CHKA: variants seen among roughly 807,000 people sequenced by gnomAD.
CHKA encodes the protein CHETK-alpha.
In CHKA, 34 loss-of-function variants were observed where a neutral mutation model predicts 60.1. That is an observed-to-expected ratio of 0.57 (90% CI 0.43 to 0.75). The LOEUF is 0.75. Among genes scored for constraint, CHKA ranks in the 30% least tolerant of loss-of-function variants. The pLI, the probability that CHKA is intolerant of heterozygous loss-of-function variation, is 0.00. For missense variants in CHKA, 563 were observed against 561.3 expected (o/e 1.00, Z -0.03); for synonymous variants, 217 against 223.1 (o/e 0.97, Z 0.24).
chr11:68,113,720 C>T (rs1413865210), intron 1 of CHKA, among the ~76,000 whole-genome samples: 1 of 150,594 alleles, frequency 6.6e-6, no homozygotes, highest in Non-Finnish European at 1.5e-5. Flanking sequence ...AACAGCCAGG[C>T]GCGATGGCTC....
At chr11:68,117,178 TTCTC>T (rs1394300087) in intron 1 of CHKA, among the ~76,000 whole-genome samples, 2 of 152,118 alleles carry the variant, frequency 1.3e-5, no homozygotes, top group Non-Finnish European at 2.9e-5. Flanking sequence ...GTATGTCTGG[TTCTC>T]TCTGAGTTAA....
At chr11:68,095,994 C>T (rs1243077684) in intron 2 of CHKA, among the ~76,000 whole-genome samples, 5 of 150,186 alleles carry the variant, frequency 3.3e-5, no homozygotes, top group Non-Finnish European at 7.4e-5. Context: ...GAGCCGAGAT[C>T]GTGCCACTGC....
At chr11:68,083,301 C>CTG (rs1461385433) in intron 2 of CHKA, among the ~76,000 whole-genome samples, 1 of 152,182 alleles carries the variant, frequency 6.6e-6, no homozygotes, top group African/African-American at 2.4e-5. Flanking sequence ...AGGAAGCTGG[C>CTG]TGTGGGGTTA....
At chr11:68,066,380 T>A in intron 8 of CHKA, 49 bp downstream of exon 8, 16 of 1,411,168 alleles carry the variant, frequency 1.1e-5, no homozygotes, top group Non-Finnish European at 1.6e-5. Flanking sequence ...AAGCATATCG[T>A]AATGATAAAT....
intron 2 of CHKA, chr11:68,081,798 G>A (rs1037364987): frequency 1.6e-5 from 3 of 188,448 alleles, no homozygotes; most frequent in Admixed American, 5.7e-5. Context: ...AAAGACAAGC[G>A]GTCAGGCTGA....
intron 1 of CHKA, among the ~76,000 whole-genome samples, chr11:68,107,212 A>G (rs1241641810): frequency 6.6e-6 from 1 of 152,104 alleles, no homozygotes; most frequent in Non-Finnish European, 1.5e-5. Flanking sequence ...AGATTGAGCC[A>G]CTGCACTCCA....
At chr11:68,093,511 G>A (rs1857414096) in intron 2 of CHKA, among the ~76,000 whole-genome samples, 1 of 152,104 alleles carries the variant, frequency 6.6e-6, no homozygotes, top group African/African-American at 2.4e-5. Flanking sequence ...CATTTTAAGT[G>A]GCTTAAATTA....
chr11:68,087,878 C>T (rs949103907), intron 2 of CHKA, among the ~76,000 whole-genome samples: 1 of 151,896 alleles, frequency 6.6e-6, no homozygotes, highest in African/African-American at 2.4e-5. Flanking sequence ...GTTGGGAGGC[C>T]GAGGTGGGTG....
At chr11:68,057,089 CA>C in intron 11 of CHKA, among the ~76,000 whole-genome samples, 1 of 152,180 alleles carries the variant, frequency 6.6e-6, no homozygotes, top group East Asian at 1.9e-4. Flanking sequence ...AATTGGAGGG[CA>C]CCCATCTGGT....
intron 1 of CHKA, among the ~76,000 whole-genome samples, chr11:68,097,358 G>C (rs1410732404): frequency 6.6e-6 from 1 of 152,176 alleles, no homozygotes; most frequent in Non-Finnish European, 1.5e-5. Flanking sequence ...GTGTGGGCCG[G>C]GCACGGTGGC....
At chr11:68,084,336 GTATATATATGTGTA>G (rs1857094599) in intron 2 of CHKA, among the ~76,000 whole-genome samples, 1 of 127,316 alleles carries the variant, frequency 7.9e-6, no homozygotes, top group Non-Finnish European at 1.7e-5. Context: ...ACACATATAC[GTATATATATGTGTA>G]TATATATATA....
chr11:68,063,715 TG>T (rs1426774614), intron 10 of CHKA, among the ~76,000 whole-genome samples: 1 of 152,202 alleles, frequency 6.6e-6, no homozygotes, highest in African/African-American at 2.4e-5. Flanking sequence ...GATTAGATCA[TG>T]GGGGTAGTTT....
At chr11:68,081,171 T>TA (rs1202107426) in intron 3 of CHKA, among the ~76,000 whole-genome samples, 1 of 152,070 alleles carries the variant, frequency 6.6e-6, no homozygotes, top group East Asian at 1.9e-4. Flanking sequence ...TCGATTGCCA[T>TA]AAAGACACCA....
intron 2 of CHKA, among the ~76,000 whole-genome samples, chr11:68,088,186 A>C (rs1857246275): frequency 1.3e-5 from 2 of 151,464 alleles, no homozygotes; most frequent in Non-Finnish European, 2.9e-5. Flanking sequence ...AGGATATGTA[A>C]ATTTTGGTCT....
At chr11:68,112,250 T>C (rs1426351116) in intron 1 of CHKA, among the ~76,000 whole-genome samples, 1 of 149,780 alleles carries the variant, frequency 6.7e-6, no homozygotes, top group Non-Finnish European at 1.5e-5. Flanking sequence ...GTGATTGCTT[T>C]TATTTATTTA....
chr11:68,074,645 G>C (rs1856725720), intron 4 of CHKA, 72 bp downstream of exon 4: 6 of 1,293,236 alleles, frequency 4.6e-6, no homozygotes, highest in Non-Finnish European at 6.8e-6. Flanking sequence ...GCAGGTTCTT[G>C]CAGCAATGAG....
At chr11:68,064,181 T>C (rs1856356723) in intron 10 of CHKA, among the ~76,000 whole-genome samples, 1 of 152,068 alleles carries the variant, frequency 6.6e-6, no homozygotes, top group Non-Finnish European at 1.5e-5. Flanking sequence ...CCGAGCTGGG[T>C]GGATCACTGG....
chr11:68,068,406 G>C (rs1188475288), intron 7 of CHKA, among the ~76,000 whole-genome samples: 1 of 151,818 alleles, frequency 6.6e-6, no homozygotes, highest in East Asian at 1.9e-4. Context: ...TATTCTTTCG[G>C]ATTTCTTCCA....
intron 7 of CHKA, among the ~76,000 whole-genome samples, chr11:68,067,864 T>A (rs892759688): frequency 2.0e-5 from 3 of 152,232 alleles, no homozygotes; most frequent in Admixed American, 6.5e-5. Context: ...CTCAAATGAA[T>A]GGCTTATGGA....
Sources: gnomAD v4.1 joint callset for allele counts (sites outside exome capture counted in the v4.1 genomes callset) on GRCh38, gnomAD v4.1.1 for gene constraint, MANE v1.5 for transcripts, NCBI Gene and HGNC (gene_info 2026-07-23, HGNC 2026-07-21) for gene names.